NEBL: variants seen among roughly 807,000 people sequenced by gnomAD.
The protein encoded by NEBL is LIM and SH3 protein 2.
NEBL carries 122 observed loss-of-function variants against 140.2 expected under a neutral mutation model. The observed-to-expected ratio is 0.87, with a 90% CI of 0.75 to 1.01. The LOEUF is 1.01. NEBL is among the 50% of genes least tolerant of loss of function. NEBL has a pLI of 0.00. For missense variants in NEBL, 1,365 were observed against 1,231.3 expected, an observed-to-expected ratio of 1.11 and a Z score of -1.62; for synonymous variants, 436 against 398.9, an observed-to-expected ratio of 1.09 and a Z score of -1.11.
Position 21,196,313 on chromosome 10 carries a change from TTTTATTTATTTA to T in NEBL, n.349-23848_349-23837del, listed in dbSNP as rs10629849. On this transcript the variant is annotated intron_variant and non_coding_transcript_variant, in intron 3 of 8. Transcript: ENST00000675702. The stretch of plus-strand genomic sequence containing the variant: ...CACCACGCCGGGCCTATATTTTTAT[TTTTATTTATTTA>T]TTTATTTATTTATTTATTTATTTAT... Among the ~76,000 whole-genome samples, 61 of 140,586 alleles carry T rather than the reference TTTTATTTATTTA, an allele frequency of 4.3e-4. No individual in the cohort carries two copies. In the South Asian group the frequency reaches 7.1e-3, roughly 16 times the overall value. The allele number at this position is 140,586 out of a possible 152,430, so 92.2% of individuals were successfully genotyped here. A position where few individuals can be genotyped will look rare whatever the true frequency, so the allele number is the denominator to read the frequency against.
At chr10:20,993,534 G>T (rs1425091730) in intron 3 of NEBL, among the ~76,000 whole-genome samples, 1 of 152,154 alleles carries the variant, frequency 6.6e-6, no homozygotes, top group African/African-American at 2.4e-5. Context: ...AGGTTTCAGG[G>T]TGGCTTTATT....
At chr10:21,085,535 T>A (rs1836584605) in intron 2 of NEBL, among the ~76,000 whole-genome samples, 1 of 152,154 alleles carries the variant, frequency 6.6e-6, no homozygotes, top group Admixed American at 6.6e-5. Context: ...CTTGGGAGAC[T>A]GAGGCTGGAG....
intron 9 of NEBL, among the ~76,000 whole-genome samples, chr10:20,852,955 G>A (rs1020189650): frequency 2.6e-5 from 4 of 152,220 alleles, no homozygotes; most frequent in Non-Finnish European, 2.9e-5. Context: ...GCTAGGACAT[G>A]CGGAAAAAGG....
At chr10:20,845,917 T>C (rs1158011163) in intron 11 of NEBL, among the ~76,000 whole-genome samples, 1 of 152,198 alleles carries the variant, frequency 6.6e-6, no homozygotes, top group African/African-American at 2.4e-5. Flanking sequence ...AATATTTCTC[T>C]ACCATCTATG....
intron 16 of NEBL, among the ~76,000 whole-genome samples, chr10:20,829,329 T>G (rs917791034): frequency 6.6e-6 from 1 of 150,732 alleles, no homozygotes; most frequent in Admixed American, 6.7e-5. Flanking sequence ...AGTAAACTAT[T>G]GCAAGAACAA....
chr10:21,237,792 A>G (rs2062318932), intron 3 of NEBL, among the ~76,000 whole-genome samples: 1 of 151,828 alleles, frequency 6.6e-6, no homozygotes, highest in African/African-American at 2.4e-5. Context: ...TTTTTAATAG[A>G]GACTGGGTTT....
intron 4 of NEBL, among the ~76,000 whole-genome samples, chr10:20,885,304 C>T (rs1372915847): frequency 1.3e-5 from 2 of 152,126 alleles, no homozygotes; most frequent in Non-Finnish European, 2.9e-5. Context: ...ATAATAAAAT[C>T]GATGTACGTA....
chr10:21,222,348 T>A (rs937530101), intron 3 of NEBL, among the ~76,000 whole-genome samples: 3 of 152,126 alleles, frequency 2.0e-5, no homozygotes, highest in African/African-American at 7.2e-5. Context: ...CATTTTTATA[T>A]CCTAGAGAAT....
chr10:21,245,881 G>A (rs939789972), intron 3 of NEBL, among the ~76,000 whole-genome samples: 1 of 152,184 alleles, frequency 6.6e-6, no homozygotes, highest in East Asian at 1.9e-4. Flanking sequence ...ATCTTTAGTA[G>A]AGATGGGGTT....
At chr10:21,092,373 A>G (rs917038584) in intron 2 of NEBL, among the ~76,000 whole-genome samples, 1 of 152,146 alleles carries the variant, frequency 6.6e-6, no homozygotes, top group Non-Finnish European at 1.5e-5. Context: ...TTGCTCTAAT[A>G]CCATTTAGTT....
rs763322388 is a variant in NEBL, at chr10:20,828,538, T to A, written c.1768A>T (p.Ile590Phe). 1 of 1,577,624 alleles carries A rather than the reference T, an allele frequency of 6.3e-7. No homozygotes were observed. The highest frequency in any genetic ancestry group is 8.7e-7 in the Non-Finnish European group (1 of 1,147,284). The stretch of plus-strand genomic sequence containing the variant: ...AAGTAATGGCTACTCACCGCACTAA[T>A]GTTTTGTTGAGTTGTCTTAATTCTC... ...IQRIKTTQQN[I>F]SAVFYKKEVG... Residue 590 changes from isoleucine to phenylalanine, a missense_variant, in exon 17 of 28, where the codon ATT becomes TTT. By Grantham distance (21) the Ile-to-Phe change is conservative. This residue lies in a region of NEBL where 1,323 missense variants were observed against 1,154.8 expected (regional missense o/e 1.15). Coordinates refer to ENST00000377122, the MANE Select transcript of NEBL (RefSeq NM_006393.3).
intron 2 of NEBL, among the ~76,000 whole-genome samples, chr10:21,061,349 T>C (rs1364186726): frequency 2.0e-5 from 3 of 148,854 alleles, no homozygotes; most frequent in African/African-American, 7.3e-5. Flanking sequence ...TGTAATATGT[T>C]ACATAATATA....
chr10:20,829,530 T>G (rs1436563201), intron 16 of NEBL, among the ~76,000 whole-genome samples: 1 of 151,818 alleles, frequency 6.6e-6, no homozygotes, highest in Non-Finnish European at 1.5e-5. Context: ...AGCACATGTA[T>G]ACATATGTAA....
chr10:21,200,053 G>C (rs1222981296), intron 3 of NEBL, among the ~76,000 whole-genome samples: 1 of 152,056 alleles, frequency 6.6e-6, no homozygotes, highest in East Asian at 1.9e-4. Context: ...GGCCATCCTA[G>C]CTCCAGAACA....
chr10:20,967,161 T>C (rs1454642775), intron 3 of NEBL, among the ~76,000 whole-genome samples: 7 of 151,066 alleles, frequency 4.6e-5, no homozygotes, highest in Non-Finnish European at 1.0e-4. Context: ...ATGTTCTTAA[T>C]AACGTTGTTT....
At chr10:21,248,796 G>C (rs1004267415) in intron 2 of NEBL, among the ~76,000 whole-genome samples, 3 of 151,702 alleles carry the variant, frequency 2.0e-5, no homozygotes, top group Non-Finnish European at 4.4e-5. Context: ...AATGCACAAG[G>C]GTTCCAATTT....
Position 21,162,654 on chromosome 10 carries a change from T to C in NEBL, c.164+9729A>G, listed in dbSNP as rs140295266. 2.7e-3 allele frequency among the ~76,000 whole-genome samples: 406 copies of C among 152,316 alleles called. 5 individuals carry two copies. The highest frequency in any genetic ancestry group is 4.7e-4 in the Non-Finnish European group (32 of 68,032). ...TCCCACTCCAGGCTGAGAATATCTA[T>C]GGTCCAATTTCAGCAGGAAACCAAC... On this transcript the variant is annotated intron_variant, in intron 2 of 6. Transcript: ENST00000417816.
At chr10:20,976,210 G>A (rs550015432) in intron 3 of NEBL, among the ~76,000 whole-genome samples, 4 of 151,668 alleles carry the variant, frequency 2.6e-5, no homozygotes, top group East Asian at 3.9e-4. Flanking sequence ...GCATGGTGGC[G>A]GGCACCTGTA....
chr10:21,124,603 G>C (rs1474618338), intron 2 of NEBL, among the ~76,000 whole-genome samples: 4 of 152,258 alleles, frequency 2.6e-5, no homozygotes, highest in African/African-American at 9.6e-5. Flanking sequence ...AGAGGATGGG[G>C]AATGTAGAGT....
Sources: allele counts gnomAD v4.1 joint callset (sites outside exome capture counted in the v4.1 genomes callset), GRCh38; gene constraint gnomAD v4.1.1; regional missense constraint gnomAD v4.1.1; transcripts MANE v1.5; gene names NCBI Gene and HGNC (gene_info 2026-07-23, HGNC 2026-07-21).